Variants in CECR2 observed in about 807,000 individuals in gnomAD.
CECR2 encodes the protein chromatin remodeling regulator CECR2.
In CECR2, 30 loss-of-function variants were observed where a neutral mutation model predicts 154.5. The observed-to-expected ratio is 0.19, with a 90% confidence interval of 0.15 to 0.26. The LOEUF (loss-of-function observed/expected upper bound fraction) is 0.26, where lower values mean the gene tolerates loss of function less well. Among genes scored for constraint, CECR2 ranks in the 10% least tolerant of loss-of-function variants. CECR2 has a pLI of 1.00. For missense variants in CECR2, 1,743 were observed against 1,829.3 expected (o/e 0.95, Z 0.86); for synonymous variants, 725 against 683.7 (o/e 1.06, Z -0.94).
intron 1 of CECR2, among the ~76,000 whole-genome samples, chr22:17,448,559 C>T (rs1383994637): frequency 6.6e-6 from 1 of 152,064 alleles, no homozygotes; most frequent in Admixed American, 6.6e-5. Context: ...TACATAAAGC[C>T]CTAAGTCACT....
At chr22:17,402,755 T>C (rs2053915141) in intron 1 of CECR2, among the ~76,000 whole-genome samples, 2 of 26,310 alleles carry the variant, frequency 7.6e-5, no homozygotes. Context: ...TCTTTTCTTC[T>C]TTTTTTTTTT....
At chr22:17,381,146 A>C (rs73876419) in intron 1 of CECR2, among the ~76,000 whole-genome samples, 2,980 of 152,264 alleles carry the variant, frequency 0.02, 90 homozygotes, top group African/African-American at 0.068. Context: ...ACCTGTTGTC[A>C]TAATAAAGGA....
intron 1 of CECR2, among the ~76,000 whole-genome samples, chr22:17,415,147 C>T (rs1245516685): frequency 1.3e-5 from 2 of 152,112 alleles, no homozygotes; most frequent in South Asian, 4.2e-4. Context: ...ATGAACCTTA[C>T]CTGTTAACAG....
At chr22:17,476,797 C>A (rs568808413) in intron 1 of CECR2, among the ~76,000 whole-genome samples, 1 of 152,228 alleles carries the variant, frequency 6.6e-6, no homozygotes, top group East Asian at 1.9e-4. Flanking sequence ...GACTTGATGG[C>A]CTAGAAAACA....
chr22:17,509,787 C>A (rs980730111), intron 7 of CECR2, among the ~76,000 whole-genome samples: 2 of 152,102 alleles, frequency 1.3e-5, no homozygotes, highest in Non-Finnish European at 2.9e-5. Context: ...TGATGAGAAA[C>A]CTTGATAGAA....
chr22:17,404,279 C>CCCCA (rs2053942596), intron 1 of CECR2, among the ~76,000 whole-genome samples: 2 of 62,872 alleles, frequency 3.2e-5, no homozygotes, highest in Admixed American at 2.5e-4. Context: ...ACCCCCCTGC[C>CCCCA]AAAAAAAAAA....
At chr22:17,506,914 CA>C in intron 7 of CECR2, among the ~76,000 whole-genome samples, 1 of 152,164 alleles carries the variant, frequency 6.6e-6, no homozygotes, top group Non-Finnish European at 1.5e-5. Context: ...CTTGGCCTCC[CA>C]AGTGTTATGA....
intron 9 of CECR2, among the ~76,000 whole-genome samples, chr22:17,535,729 C>T (rs369465818): frequency 7.2e-6 from 1 of 139,482 alleles, no homozygotes; most frequent in Non-Finnish European, 1.6e-5. Context: ...TCTTAGAAGT[C>T]GAAAAAAAAA....
At chr22:17,470,895 A>G (rs1317530048) in intron 1 of CECR2, among the ~76,000 whole-genome samples, 7 of 152,248 alleles carry the variant, frequency 4.6e-5, no homozygotes, top group Admixed American at 1.3e-4. Flanking sequence ...TCTTTGTTCA[A>G]AAGTCTTTGG....
At chr22:17,379,577 TGAA>T (rs1266147879) in intron 1 of CECR2, among the ~76,000 whole-genome samples, 1 of 135,014 alleles carries the variant, frequency 7.4e-6, no homozygotes, top group Non-Finnish European at 1.6e-5. Flanking sequence ...GGACCTACGT[TGAA>T]GGTGTGTGTG....
At chr22:17,480,142 T>C (rs1325332916) in intron 2 of CECR2, among the ~76,000 whole-genome samples, 2 of 152,174 alleles carry the variant, frequency 1.3e-5, no homozygotes, top group Non-Finnish European at 2.9e-5. Flanking sequence ...TTGATTTTTT[T>C]CTTGAGTTAG....
At chr22:17,523,204 G>A (rs910168009) in intron 8 of CECR2, among the ~76,000 whole-genome samples, 8 of 151,926 alleles carry the variant, frequency 5.3e-5, no homozygotes, top group African/African-American at 1.7e-4. Context: ...CCAACATGGC[G>A]AAACCCCATC....
chr22:17,452,847 G>A (rs997233122), intron 1 of CECR2, among the ~76,000 whole-genome samples: 4 of 151,816 alleles, frequency 2.6e-5, no homozygotes, highest in Non-Finnish European at 4.4e-5. Flanking sequence ...GAGGGAGGAA[G>A]GAGCTATAAA....
intron 1 of CECR2, among the ~76,000 whole-genome samples, chr22:17,397,095 A>G (rs1175832313): frequency 6.6e-6 from 1 of 152,030 alleles, no homozygotes; most frequent in Non-Finnish European, 1.5e-5. Flanking sequence ...TCCACAGTGA[A>G]GAATTTGCTC....
intron 1 of CECR2, among the ~76,000 whole-genome samples, chr22:17,429,069 A>C (rs117350734): frequency 1.7e-3 from 259 of 152,156 alleles, no homozygotes; most frequent in Non-Finnish European, 2.3e-3. Context: ...ATTGTTCATC[A>C]GGGTTGGGAT....
At chr22:17,521,147 A>T (rs962381553) in intron 8 of CECR2, among the ~76,000 whole-genome samples, 4 of 152,102 alleles carry the variant, frequency 2.6e-5, no homozygotes, top group African/African-American at 7.2e-5. Flanking sequence ...CTGGCGTGAG[A>T]TGGTATCTCA....
At position 17,497,492 on chromosome 22, in the gene CECR2, G is replaced by C. The variant is rs577083118; in HGVS notation, c.311G>C (p.Ser104Thr). ...AAGCCCAACCCTCTGAGGGAAGCCA[G>C]TTTCCAGGACCTGCCTCTTCGCACA... ...EGKPNPLREASFQDLPLRTRV... is the reference protein window; with the variant it reads ...EGKPNPLREATFQDLPLRTRV... The change falls in exon 3 of 19, where the codon AGT becomes ACT. Residue 104 changes from serine to threonine, a missense_variant. Transcript: ENST00000262608. 41 of 1,614,010 alleles carry C rather than the reference G, an allele frequency of 2.5e-5. No individual in the cohort carries two copies. The Admixed American group carries it at 6.7e-4, about 26-fold the overall frequency.
intron 17 of CECR2, 133 bp from the exon 18 acceptor site, chr22:17,551,898 G>T: frequency 1.3e-6 from 1 of 787,604 alleles, no homozygotes; most frequent in South Asian, 1.7e-5. Flanking sequence ...ATGTCGAGTT[G>T]TCCCAGTATG....
chr22:17,537,022 C>T, intron 9 of CECR2, 81 bp from the exon 10 acceptor site: 2 of 1,527,958 alleles, frequency 1.3e-6, no homozygotes, highest in Non-Finnish European at 1.8e-6. Context: ...CTGGTTCTTC[C>T]TTCTCTCACA....
Sources: allele counts gnomAD v4.1 joint callset (sites outside exome capture counted in the v4.1 genomes callset), GRCh38; gene constraint gnomAD v4.1.1; transcripts MANE v1.5; gene names NCBI Gene and HGNC (gene_info 2026-07-23, HGNC 2026-07-21).